The following CROCC2 variants were observed in gnomAD, a reference collection of about 807,000 sequenced individuals.
The protein encoded by CROCC2 is ciliary rootlet coiled-coil protein 2.
Under a neutral mutation model 177.6 loss-of-function variants are expected in CROCC2, and 163 were observed. That is an observed-to-expected ratio of 0.92 (90% CI 0.81 to 1.05). The LOEUF (loss-of-function observed/expected upper bound fraction) is 1.05, where lower values mean the gene tolerates loss of function less well. CROCC2 is among the 50% of genes least tolerant of loss of function. CROCC2 has a pLI of 0.00. For synonymous variants in CROCC2, 904 were observed against 787.3 expected, an observed-to-expected ratio of 1.15 and a Z score of -2.48; for missense variants, 1,929 against 1,797.8, an observed-to-expected ratio of 1.07 and a Z score of -1.32.
intron 25 of CROCC2, 72 bp downstream of exon 25, chr2:240,966,481 C>T: frequency 2.5e-6 from 1 of 398,848 alleles, no homozygotes; most frequent in Non-Finnish European, 4.4e-6. Flanking sequence ...ACCTGCTGTC[C>T]ATCCATCCGC....
rs547603044 is a variant in CROCC2, at chr2:240,932,807, C to A, written c.1150C>A (p.His384Asn). ...LRSPQRATSP[H>N]QGASPPHICS... Reference sequence around the variant, plus strand: ...GAGCCCCCAACGTGCCACATCCCCCCATCAAGGGGCGTCCCCACCACACAT... The same window carrying A: ...GAGCCCCCAACGTGCCACATCCCCCAATCAAGGGGCGTCCCCACCACACAT... The change falls in exon 9 of 32, where the codon CAT becomes AAT. Residue 384 changes from histidine to asparagine, a missense_variant. By Grantham distance (68) the His-to-Asn change is moderately conservative. Around this residue, in one of 3 missense-constraint regions of CROCC2, gnomAD observed 1,397 missense variants for 1,239.9 expected, o/e 1.13. Coordinates refer to ENST00000690015, the MANE Select transcript of CROCC2 (RefSeq NM_001351305.2). 6 of 1,516,860 alleles carry A rather than the reference C, an allele frequency of 4.0e-6. No homozygotes were observed. The highest frequency in any genetic ancestry group is 5.4e-6 in the Non-Finnish European group (6 of 1,119,154). The allele number at this position is 1,516,860 out of a possible 1,614,324, so 94.0% of individuals were successfully genotyped here.
Position 240,969,278 on chromosome 2 carries a change from G to A in CROCC2, c.4401+1016G>A, listed in dbSNP as rs185350163. ...GCTGTTCCACGCGGGGCTCAGCCCC[G>A]GAGCCTGGTGGCCCTCAGAGGCCAC... On this transcript the variant is annotated intron_variant, in intron 27 of 31. Transcript: ENST00000690015. Among the ~76,000 whole-genome samples, 429 of 152,336 alleles carry A rather than the reference G, an allele frequency of 2.8e-3. 1 individual carries two copies. The highest frequency in any genetic ancestry group is 9.6e-3 in the African/African-American group (401 of 41,588).
Position 240,920,098 on chromosome 2 carries a change from T to A in CROCC2, c.345T>A (p.Asp115Glu). The part of the protein sequence containing the change: ...DLLAQASAER[D>E]ELASRCRVVS... ...TGGCCCAGGCCAGCGCCGAGCGAGA[T>A]GAGCTGGCCAGCAGGTGCCGTGTGG... The change falls in exon 3 of 32, where the codon GAT becomes GAA. Residue 115 changes from aspartate (D) to glutamate (E), a missense_variant. Physicochemically the swap from Asp to Glu is conservative, Grantham distance 45 (BLOSUM62 2). Transcript: ENST00000690015. 1 of 708,654 alleles carries A rather than the reference T, an allele frequency of 1.4e-6. No individual in the cohort carries two copies. Among genetic ancestry groups the A allele is most frequent in the Non-Finnish European group, 2.6e-6 (1 of 381,442 alleles). 43.9% of individuals were successfully genotyped at this position (708,654 alleles called of 1,614,324 possible).
intron 28 of CROCC2, among the ~76,000 whole-genome samples, chr2:240,988,518 GC>G: frequency 6.6e-6 from 1 of 152,296 alleles, no homozygotes; most frequent in South Asian, 2.1e-4. Flanking sequence ...TGGGGACTTG[GC>G]CCTATGCTCC....
intron 18 of CROCC2, 55 bp from the exon 19 acceptor site, chr2:240,955,804 C>T: frequency 7.6e-7 from 1 of 1,308,414 alleles, no homozygotes; most frequent in Non-Finnish European, 1.1e-6. Context: ...AGGGGGGCCT[C>T]TTCCCTCCCC....
At chr2:240,957,860 C>G in intron 19 of CROCC2, 1 of 540,926 alleles carries the variant, frequency 1.8e-6, no homozygotes, top group Non-Finnish European at 2.4e-6. Context: ...CCTCCCTCCT[C>G]CCGACCACTG....
Position 240,955,984 on chromosome 2 carries a change from G to A in CROCC2, c.2943+12G>A. ...AGGAGCAAGCGCAGGTGAGCCCCAT[G>A]CAGCCAGGCCACGTGCACAGCCAAG... On this transcript the variant is annotated intron_variant, in intron 19 of 31. Coordinates refer to ENST00000690015, the MANE Select transcript of CROCC2 (RefSeq NM_001351305.2). 1.3e-6 allele frequency: 2 copies of A among 1,529,744 alleles called. No individual in the cohort carries two copies. Among genetic ancestry groups the A allele is most frequent in the Non-Finnish European group, 1.8e-6 (2 of 1,142,822 alleles). 94.8% of individuals were successfully genotyped at this position (1,529,744 alleles called of 1,614,324 possible).
chr2:240,971,930 G>A (rs937188751), intron 27 of CROCC2, among the ~76,000 whole-genome samples: 19 of 152,126 alleles, frequency 1.2e-4, no homozygotes, highest in Middle Eastern at 3.4e-3. Context: ...CCCCACGGTG[G>A]CCTCGTTCGG....
chr2:240,967,571 C>T (rs779930802), intron 26 of CROCC2, 106 bp downstream of exon 26: 399 of 1,500,650 alleles, frequency 2.7e-4, no homozygotes, highest in Admixed American at 1.6e-3. Flanking sequence ...TGGGGCAGCT[C>T]GGTGGGAAGG....
chr2:240,957,045 G>A (rs2059595850), intron 19 of CROCC2, among the ~76,000 whole-genome samples: 1 of 152,150 alleles, frequency 6.6e-6, no homozygotes, highest in Admixed American at 6.5e-5. Flanking sequence ...GGGTGGCAGG[G>A]GCTGGCCCTG....
At chr2:240,969,915 G>C (rs1014987383) in intron 27 of CROCC2, among the ~76,000 whole-genome samples, 3 of 152,068 alleles carry the variant, frequency 2.0e-5, no homozygotes, top group African/African-American at 7.2e-5. Flanking sequence ...TTTTAGTAGA[G>C]ACAGGTTTCA....
At chr2:240,947,823 G>A (rs888239778) in intron 15 of CROCC2, among the ~76,000 whole-genome samples, 4 of 152,128 alleles carry the variant, frequency 2.6e-5, no homozygotes, top group East Asian at 1.9e-4. Context: ...CAAGGTCCCC[G>A]CCAGCCCACA....
In CROCC2 at chr2:240,912,649, T is replaced by C. The variant is rs1320953186; in HGVS notation, c.78+6058T>C. Among the ~76,000 whole-genome samples the C allele has an allele frequency of 2.6e-5, 4 of 152,220 alleles. No individual in the cohort carries two copies. The South Asian group carries it at 8.3e-4, about 32-fold the overall frequency. ...GCCCAGCCCTGTGGTTTAGGGTTTTTATGGAACCTTCATTAAGTAGGCAAA... is the reference window on the plus strand; with the variant it reads ...GCCCAGCCCTGTGGTTTAGGGTTTTCATGGAACCTTCATTAAGTAGGCAAA... On this transcript the variant is annotated intron_variant, in intron 1 of 31. Coordinates refer to ENST00000690015, the MANE Select transcript of CROCC2 (RefSeq NM_001351305.2).
At chr2:240,921,494 A>G (rs10207380) in intron 3 of CROCC2, among the ~76,000 whole-genome samples, 114,224 of 152,142 alleles carry the variant, frequency 0.75, 44,117 homozygotes, top group African/African-American at 0.91. Flanking sequence ...GGAACAGGCC[A>G]GTGGGAATAG....
In CROCC2 at chr2:240,918,923, C is replaced by T. The variant is rs75287252; in HGVS notation, c.229+47C>T. The T allele has an allele frequency of 2.0e-3, 1,292 of 646,690 alleles. 19 individuals are homozygous for T. In the East Asian group the frequency reaches 0.022, roughly 11 times the overall value. 40.1% of individuals were successfully genotyped at this position (646,690 alleles called of 1,614,324 possible). On this transcript the variant is annotated intron_variant, in intron 2 of 31. Transcript: ENST00000690015. This position sits in a 1 kb window ranked among gnomAD's most constrained non-coding sequence, Gnocchi z 6.3. The stretch of plus-strand genomic sequence containing the variant: ...CTGGGCCCGGGGCTGGCCAAGGTGA[C>T]GGCGTGGGGGACAGTCCTGGGCCCG...
rs1028608143 is a variant in CROCC2 at position 240,918,775 on chromosome 2, C to T, written c.128C>T (p.Ala43Val). The change falls in exon 2 of 32, where the codon GCG becomes GTG. Residue 43 changes from alanine to valine, a missense_variant. By Grantham distance (64) the Ala-to-Val change is moderately conservative (BLOSUM62 0). This residue lies in a region of CROCC2 where 1,397 missense variants were observed against 1,239.9 expected (regional missense o/e 1.13). Coordinates refer to ENST00000690015, the MANE Select transcript of CROCC2 (RefSeq NM_001351305.2). This position sits in a 1 kb window ranked among gnomAD's most constrained non-coding sequence, Gnocchi z 6.3. ...LSPTASREDR[A>V]LTVRGEGRQA... Reference sequence around the variant, plus strand: ...CCCACAGCCAGCAGGGAAGACCGGGCGCTGACCGTGCGTGGGGAAGGCCGG... The same window carrying T: ...CCCACAGCCAGCAGGGAAGACCGGGTGCTGACCGTGCGTGGGGAAGGCCGG... 19 of 590,194 alleles carry T rather than the reference C, an allele frequency of 3.2e-5. No homozygotes were observed. The highest frequency in any genetic ancestry group is 2.6e-4 in the Middle Eastern group (1 of 3,834). 36.6% of individuals were successfully genotyped at this position (590,194 alleles called of 1,614,324 possible).
intron 10 of CROCC2, 72 bp from the exon 11 acceptor site, chr2:240,933,598 A>G (rs1186777264): frequency 2.0e-6 from 3 of 1,488,656 alleles, no homozygotes; most frequent in Admixed American, 4.2e-5. Context: ...CCAGCCCCCA[A>G]TGCCCACCAA....
At chr2:240,939,976 A>G (rs1435019944) in intron 14 of CROCC2, among the ~76,000 whole-genome samples, 1 of 152,222 alleles carries the variant, frequency 6.6e-6, no homozygotes, top group Non-Finnish European at 1.5e-5. Context: ...ACACATCAAA[A>G]GAATGTGTAT....
At position 240,946,224 on chromosome 2, in the gene CROCC2, G is replaced by T. The variant is rs552127413; in HGVS notation, c.2334G>T (p.Arg778=). The T allele has an allele frequency of 1.9e-6, 3 of 1,539,752 alleles. No individual in the cohort carries two copies. The highest frequency in any genetic ancestry group is 2.6e-6 in the Non-Finnish European group (3 of 1,138,320). ...AGGAGGCCTTGGAGAGGCAGGGCCG[G>T]CTCGCAGCTGAAGAGGCAGCTGATC... is the stretch of plus-strand genomic sequence containing the variant. ...AKQEALERQG[R]LAAEEAADLR... The change falls in exon 15 of 32, where the codon CGG becomes CGT. Residue 778 remains arginine, a synonymous_variant. Transcript: ENST00000690015.
Sources: allele counts gnomAD v4.1 joint callset (sites outside exome capture counted in the v4.1 genomes callset), GRCh38; gene constraint gnomAD v4.1.1; regional missense constraint gnomAD v4.1.1; non-coding constraint Gnocchi (gnomAD v3.1); transcripts MANE v1.5; gene names NCBI Gene and HGNC (gene_info 2026-07-23, HGNC 2026-07-21).